DNER: variants seen among roughly 807,000 people sequenced by gnomAD.
DNER encodes delta and Notch-like epidermal growth factor-related receptor.
DNER carries 33 observed loss-of-function variants against 78.2 expected under a neutral mutation model. The observed-to-expected ratio is 0.42, with a 90% CI of 0.32 to 0.56. DNER has a LOEUF of 0.56. DNER is among the 20% of genes least tolerant of loss of function. The pLI, the probability that DNER is intolerant of heterozygous loss-of-function variation, is 0.11. For missense variants in DNER, 918 were observed against 975.3 expected, an observed-to-expected ratio of 0.94 and a Z score of 0.78; for synonymous variants, 417 against 384.8, an observed-to-expected ratio of 1.08 and a Z score of -0.98.
chr2:229,465,295 C>G (rs1275384952), intron 7 of DNER, among the ~76,000 whole-genome samples: 3 of 152,140 alleles, frequency 2.0e-5, no homozygotes, highest in African/African-American at 7.2e-5. Context: ...ATGAATGGAG[C>G]TTGAAGCCAT....
intron 1 of DNER, among the ~76,000 whole-genome samples, chr2:229,617,318 A>T (rs975335120): frequency 2.0e-5 from 3 of 152,208 alleles, no homozygotes; most frequent in Non-Finnish European, 4.4e-5. Flanking sequence ...GCTATTTTAA[A>T]TACTGATTTG....
chr2:229,359,331 C>T (rs962513036), intron 12 of DNER, among the ~76,000 whole-genome samples: 1 of 152,224 alleles, frequency 6.6e-6, no homozygotes, highest in Non-Finnish European at 1.5e-5. Context: ...GACAGCAGGA[C>T]TGCCTCTCAG....
intron 7 of DNER, among the ~76,000 whole-genome samples, chr2:229,460,862 T>C (rs990287963): frequency 8.0e-6 from 1 of 124,724 alleles, no homozygotes; most frequent in South Asian, 2.5e-4. Flanking sequence ...GGAGACCACA[T>C]GTGAAACAAT....
chr2:229,607,286 G>T (rs1697958174), intron 1 of DNER, among the ~76,000 whole-genome samples: 1 of 152,096 alleles, frequency 6.6e-6, no homozygotes. Context: ...TAATAGCTAA[G>T]ATTTCTGAGT....
chr2:229,627,647 G>A (rs1312838375), intron 1 of DNER, among the ~76,000 whole-genome samples: 2 of 152,192 alleles, frequency 1.3e-5, no homozygotes, highest in Admixed American at 6.5e-5. Context: ...TGATTAACAA[G>A]CGAAGCCTTA....
At chr2:229,704,914 T>C (rs549308383) in intron 1 of DNER, among the ~76,000 whole-genome samples, 58 of 152,378 alleles carry the variant, frequency 3.8e-4, no homozygotes, top group African/African-American at 1.3e-3. Context: ...TGTTCCCGTA[T>C]TGCATTTTCC....
intron 11 of DNER, among the ~76,000 whole-genome samples, chr2:229,377,037 C>G (rs2106330563): frequency 6.6e-6 from 1 of 152,208 alleles, no homozygotes; most frequent in East Asian, 1.9e-4. Context: ...TTTCCCTTTC[C>G]CTGGTTGTCT....
intron 7 of DNER, among the ~76,000 whole-genome samples, chr2:229,449,346 T>C (rs1467431927): frequency 6.6e-6 from 1 of 152,238 alleles, no homozygotes; most frequent in African/African-American, 2.4e-5. Flanking sequence ...CTCAAATCTT[T>C]TAATTTTAGA....
chr2:229,644,109 C>T (rs2154216088), intron 1 of DNER, among the ~76,000 whole-genome samples: 1 of 152,244 alleles, frequency 6.6e-6, no homozygotes, highest in Non-Finnish European at 1.5e-5. Flanking sequence ...CCCCAAATTT[C>T]CCAAATGTCA....
rs1697339745 is a variant in DNER at position 229,578,441 on chromosome 2, ATGGC to A, written c.847+7413_847+7416del. On this transcript the variant is annotated intron_variant, in intron 4 of 12. Transcript: ENST00000341772. ...AGGAAACAAAAGGATTCGTCAAGAA[ATGGC>A]TGAGACAAAGGAATACACATCTAGA... is the stretch of plus-strand genomic sequence containing the variant. Among the ~76,000 whole-genome samples the A allele has an allele frequency of 1.3e-5, 2 of 152,208 alleles. 1 individual carries two copies. Among genetic ancestry groups the A allele is most frequent in the South Asian group, 4.1e-4 (2 of 4,826 alleles).
At chr2:229,419,414 T>C (rs1327054268) in intron 8 of DNER, among the ~76,000 whole-genome samples, 1 of 152,238 alleles carries the variant, frequency 6.6e-6, no homozygotes, top group Non-Finnish European at 1.5e-5. Context: ...TGAATTCAGA[T>C]AAGCAGAAAA....
intron 10 of DNER, among the ~76,000 whole-genome samples, chr2:229,397,518 G>A (rs941024907): frequency 6.9e-6 from 1 of 145,518 alleles, no homozygotes; most frequent in South Asian, 2.2e-4. Context: ...AGGCCGAGTG[G>A]AGAGCATGGA....
chr2:229,515,841 C>T (rs968949401), intron 5 of DNER, among the ~76,000 whole-genome samples: 2 of 152,022 alleles, frequency 1.3e-5, no homozygotes, highest in Non-Finnish European at 2.9e-5. Flanking sequence ...AGGGTTTCAC[C>T]GTGTTAGCAA....
intron 5 of DNER, among the ~76,000 whole-genome samples, chr2:229,524,617 G>C (rs1234938022): frequency 6.6e-6 from 1 of 152,142 alleles, no homozygotes. Context: ...AATTGGGCTG[G>C]GGTAAGATCC....
Position 229,628,454 on chromosome 2 carries a change from C to T in DNER, c.277-36566G>A, listed in dbSNP as rs539999564. The stretch of plus-strand genomic sequence containing the variant: ...TACACAGAAATAGACACCAAAAACA[C>T]GGGAACACGGTAGTAACAACTAAGT... On this transcript the variant is annotated intron_variant, in intron 1 of 12. Coordinates refer to ENST00000341772, the MANE Select transcript of DNER (RefSeq NM_139072.4). Among the ~76,000 whole-genome samples, 8 of 152,264 alleles carry T rather than the reference C, an allele frequency of 5.3e-5. No homozygotes were observed. In the East Asian group the frequency reaches 5.8e-4, roughly 11 times the overall value.
chr2:229,671,505 T>C (rs1699208292), intron 1 of DNER, among the ~76,000 whole-genome samples: 1 of 152,234 alleles, frequency 6.6e-6, no homozygotes, highest in Non-Finnish European at 1.5e-5. Flanking sequence ...GTTTATTTAT[T>C]TGTGTATTAT....
intron 5 of DNER, among the ~76,000 whole-genome samples, chr2:229,534,305 T>C (rs916257010): frequency 6.6e-6 from 1 of 151,730 alleles, no homozygotes; most frequent in African/African-American, 2.4e-5. Flanking sequence ...ACCAATAGAT[T>C]GTAATGGTAA....
intron 5 of DNER, among the ~76,000 whole-genome samples, chr2:229,540,989 T>G (rs1696501630): frequency 6.6e-6 from 1 of 152,260 alleles, no homozygotes; most frequent in Non-Finnish European, 1.5e-5. Flanking sequence ...ACTATGGGAT[T>G]GTTATTGAAC....
rs916565407 is a variant in DNER, at chr2:229,692,714, A to C, written c.276+21434T>G. Reference sequence around the variant, plus strand: ...CATCTAAGATGTCTTACTTGCCAAAAAATAAAATGATGCAATGATTACAGT... The same window carrying C: ...CATCTAAGATGTCTTACTTGCCAAACAATAAAATGATGCAATGATTACAGT... On this transcript the variant is annotated intron_variant, in intron 1 of 12. Transcript: ENST00000341772. Among the ~76,000 whole-genome samples the C allele has an allele frequency of 3.9e-5, 6 of 152,346 alleles. No homozygotes were observed. In the South Asian group the frequency reaches 1.2e-3, roughly 32 times the overall value.
Sources: allele counts gnomAD v4.1 joint callset (sites outside exome capture counted in the v4.1 genomes callset), GRCh38; gene constraint gnomAD v4.1.1; transcripts MANE v1.5; gene names NCBI Gene and HGNC (gene_info 2026-07-23, HGNC 2026-07-21).